Variants in GPC5 observed in about 807,000 individuals in gnomAD.
GPC5 encodes glypican-5.
GPC5 carries 47 observed loss-of-function variants against 53.9 expected under a neutral mutation model. The observed-to-expected ratio is 0.87, with a 90% CI of 0.69 to 1.11. The LOEUF (loss-of-function observed/expected upper bound fraction) is 1.11. Among genes scored for constraint, GPC5 ranks in the 50% most tolerant of loss-of-function variants. The probability of loss-of-function intolerance (pLI) is 0.00; values close to 1 mark genes in which losing one functional copy is unlikely to be tolerated. For missense variants in GPC5, 748 were observed against 713.1 expected (o/e 1.05, Z -0.56); for synonymous variants, 286 against 263.3 (o/e 1.09, Z -0.84).
chr13:91,398,871 G>A lies in GPC5; in HGVS notation c.-176G>A. 1 of 670,810 alleles carries A rather than the reference G, an allele frequency of 1.5e-6. No individual in the cohort carries two copies. The highest frequency in any genetic ancestry group is 2.4e-6 in the Non-Finnish European group (1 of 416,588). 41.6% of individuals were successfully genotyped at this position (670,810 alleles called of 1,614,324 possible). On this transcript the variant is annotated 5_prime_UTR_variant, in exon 1 of 8. Coordinates refer to ENST00000377067, the MANE Select transcript of GPC5 (RefSeq NM_004466.6). ...GGTGTCTCAGCTTAGGGCCTCCTCC[G>A]GGAAGAGCTAACTGCTCCCAGGTGA... is the stretch of plus-strand genomic sequence containing the variant.
chr13:91,946,592 A>G (rs1050450095), intron 6 of GPC5, among the ~76,000 whole-genome samples: 4 of 152,176 alleles, frequency 2.6e-5, no homozygotes, highest in African/African-American at 4.8e-5. Flanking sequence ...AAATTTACCT[A>G]CGTAGGTGCA....
At chr13:92,843,722 T>A (rs535550889) in intron 7 of GPC5, among the ~76,000 whole-genome samples, 1 of 152,308 alleles carries the variant, frequency 6.6e-6, no homozygotes, top group East Asian at 1.9e-4. Context: ...TATATGTGCA[T>A]GACATTGTCT....
intron 2 of GPC5, among the ~76,000 whole-genome samples, chr13:91,515,287 A>G (rs540096423): frequency 6.6e-6 from 1 of 152,322 alleles, no homozygotes; most frequent in Non-Finnish European, 1.5e-5. Context: ...AGCAATTGAG[A>G]TTAACAATAG....
chr13:91,825,225 G>T (rs2038558476), intron 5 of GPC5, among the ~76,000 whole-genome samples: 1 of 151,940 alleles, frequency 6.6e-6, no homozygotes, highest in African/African-American at 2.4e-5. Context: ...GGCTATAATT[G>T]ATTTTTATTC....
At chr13:91,708,015 G>T (rs958672663) in intron 3 of GPC5, among the ~76,000 whole-genome samples, 3 of 152,084 alleles carry the variant, frequency 2.0e-5, no homozygotes, top group Non-Finnish European at 2.9e-5. Context: ...AATATTATTG[G>T]ACCTTGATAA....
intron 2 of GPC5, among the ~76,000 whole-genome samples, chr13:91,552,835 CCAGTTTA>C (rs1274997449): frequency 6.6e-6 from 1 of 151,936 alleles, no homozygotes; most frequent in Non-Finnish European, 1.5e-5. Context: ...AGTTTTGGGA[CCAGTTTA>C]TGGCCAGATT....
chr13:92,532,563 G>T (rs747179622), intron 7 of GPC5, among the ~76,000 whole-genome samples: 7 of 152,122 alleles, frequency 4.6e-5, no homozygotes, highest in Non-Finnish European at 2.9e-5. Flanking sequence ...CTGCAAGCTG[G>T]CACCAATTCT....
intron 5 of GPC5, among the ~76,000 whole-genome samples, chr13:91,808,042 A>G (rs553397868): frequency 6.6e-6 from 1 of 152,290 alleles, no homozygotes; most frequent in East Asian, 1.9e-4. Context: ...ATTTAAGAGT[A>G]TACAGCTGTG....
At position 91,689,192 on chromosome 13, in the gene GPC5, T is replaced by TATAC. The variant is rs1555338033; in HGVS notation, c.326-3992_326-3991insCATA. 9.0e-5 allele frequency among the ~76,000 whole-genome samples: 8 copies of TATAC among 88,600 alleles called. No individual in the cohort carries two copies. The East Asian group carries it at 2.3e-3, about 25-fold the overall frequency. 58.1% of individuals were successfully genotyped at this position (88,600 alleles called of 152,430 possible). A position where few individuals can be genotyped will look rare whatever the true frequency, so the allele number is the denominator to read the frequency against. On this transcript the variant is annotated intron_variant, in intron 2 of 7. Coordinates refer to ENST00000377067, the MANE Select transcript of GPC5 (RefSeq NM_004466.6). ...TCAAAAAATCATATATAAATATATA[T>TATAC]ATATATATATATATATATATATATA...
intron 7 of GPC5, among the ~76,000 whole-genome samples, chr13:92,236,970 A>G (rs1481164878): frequency 6.6e-6 from 1 of 152,094 alleles, no homozygotes; most frequent in African/African-American, 2.4e-5. Flanking sequence ...AGTGATATAA[A>G]TCACTTTCTT....
At chr13:92,462,136 G>A (rs1878509915) in intron 7 of GPC5, among the ~76,000 whole-genome samples, 1 of 152,184 alleles carries the variant, frequency 6.6e-6, no homozygotes, top group African/African-American at 2.4e-5. Flanking sequence ...CAGAGTGACA[G>A]CGGAAGCCAC....
intron 7 of GPC5, among the ~76,000 whole-genome samples, chr13:92,577,818 A>G (rs111560117): frequency 5.2e-4 from 79 of 152,306 alleles, no homozygotes; most frequent in Non-Finnish European, 9.3e-4. Context: ...ACTATGCAAG[A>G]GATTGGTCTG....
intron 7 of GPC5, among the ~76,000 whole-genome samples, chr13:92,792,452 G>C (rs1876498649): frequency 6.6e-6 from 1 of 151,954 alleles, no homozygotes; most frequent in Non-Finnish European, 1.5e-5. Flanking sequence ...AAATTGTAAA[G>C]ACCATCGATG....
chr13:91,595,750 C>G (rs148392925), intron 2 of GPC5, among the ~76,000 whole-genome samples: 225 of 152,316 alleles, frequency 1.5e-3, no homozygotes, highest in African/African-American at 5.2e-3. Flanking sequence ...TTCTTTACAG[C>G]AAAAGACTTT....
intron 7 of GPC5, among the ~76,000 whole-genome samples, chr13:92,356,568 A>G (rs974761121): frequency 2.0e-5 from 3 of 152,200 alleles, no homozygotes; most frequent in African/African-American, 7.2e-5. Flanking sequence ...ACAAAGGTAA[A>G]AAGATTTGTT....
intron 4 of GPC5, among the ~76,000 whole-genome samples, chr13:91,731,882 T>C (rs111701639): frequency 0.027 from 4,187 of 152,284 alleles, 204 homozygotes; most frequent in African/African-American, 0.095. Context: ...TATGGCTGCA[T>C]AGTATTCCAT....
At chr13:92,154,281 G>A (rs2041927711) in intron 7 of GPC5, among the ~76,000 whole-genome samples, 1 of 152,080 alleles carries the variant, frequency 6.6e-6, no homozygotes, top group African/African-American at 2.4e-5. Context: ...CCTCCCACCA[G>A]GCCCCAGCTC....
At chr13:92,347,236 A>G (rs1164165467) in intron 7 of GPC5, among the ~76,000 whole-genome samples, 2 of 152,176 alleles carry the variant, frequency 1.3e-5, no homozygotes, top group Non-Finnish European at 2.9e-5. Flanking sequence ...GGTGTTAATC[A>G]AGACACATAA....
chr13:92,805,353 G>T (rs1877055112), intron 7 of GPC5, among the ~76,000 whole-genome samples: 1 of 152,042 alleles, frequency 6.6e-6, no homozygotes, highest in South Asian at 2.1e-4. Flanking sequence ...TAGCAGGCAT[G>T]GAAACATTAA....
Sources: gnomAD v4.1 joint callset for allele counts (sites outside exome capture counted in the v4.1 genomes callset) on GRCh38, gnomAD v4.1.1 for gene constraint, MANE v1.5 for transcripts, NCBI Gene and HGNC (gene_info 2026-07-23, HGNC 2026-07-21) for gene names.